The following NAALADL2 variants were observed in gnomAD, a reference collection of about 807,000 sequenced individuals.
NAALADL2 encodes the protein N-acetylated alpha-linked acidic dipeptidase like 2.
In NAALADL2, 76 loss-of-function variants were observed where a neutral mutation model predicts 87.2. That is an observed-to-expected ratio of 0.87 (90% CI 0.72 to 1.05). NAALADL2 has a LOEUF of 1.05. Among genes scored for constraint, NAALADL2 ranks in the 50% least tolerant of loss-of-function variants. The pLI, the probability that NAALADL2 is intolerant of heterozygous loss-of-function variation, is 0.00. For synonymous variants in NAALADL2, 354 were observed against 331.0 expected, an observed-to-expected ratio of 1.07 and a Z score of -0.75; for missense variants, 1,089 against 945.8, an observed-to-expected ratio of 1.15 and a Z score of -1.99.
At chr3:174,803,255 C>T (rs565951016) in intron 3 of NAALADL2, among the ~76,000 whole-genome samples, 8 of 152,240 alleles carry the variant, frequency 5.3e-5, no homozygotes, top group South Asian at 2.1e-4. Context: ...TTTCATGTGT[C>T]TGTGGGCTGC....
At chr3:175,108,989 G>A (rs542997091) in intron 2 of NAALADL2, among the ~76,000 whole-genome samples, 1 of 151,644 alleles carries the variant, frequency 6.6e-6, no homozygotes, top group Non-Finnish European at 1.5e-5. Flanking sequence ...AATTGCTGCT[G>A]GGTATAACAT....
chr3:174,649,479 A>G (rs1475610717), intron 2 of NAALADL2, among the ~76,000 whole-genome samples: 1 of 151,810 alleles, frequency 6.6e-6, no homozygotes, highest in Non-Finnish European at 1.5e-5. Flanking sequence ...TTTGCTCTTT[A>G]TTTTATTTTT....
intron 2 of NAALADL2, among the ~76,000 whole-genome samples, chr3:175,184,087 A>G (rs1736987546): frequency 6.6e-6 from 1 of 151,992 alleles, no homozygotes; most frequent in South Asian, 2.1e-4. Flanking sequence ...TGTTTCCTGT[A>G]CTATGATTGA....
intron 2 of NAALADL2, among the ~76,000 whole-genome samples, chr3:175,145,163 A>T (rs1204417213): frequency 6.6e-6 from 1 of 152,022 alleles, no homozygotes; most frequent in African/African-American, 2.4e-5. Flanking sequence ...TTCTTCATTT[A>T]GGTGGTGACA....
At chr3:174,449,717 C>T (rs1183200803) in intron 1 of NAALADL2, among the ~76,000 whole-genome samples, 1 of 152,068 alleles carries the variant, frequency 6.6e-6, no homozygotes, top group Non-Finnish European at 1.5e-5. Flanking sequence ...TTTTGCTGTG[C>T]AAGCAATGCA....
chr3:175,403,595 T>C (rs1209444759), intron 5 of NAALADL2, among the ~76,000 whole-genome samples: 1 of 152,122 alleles, frequency 6.6e-6, no homozygotes, highest in Non-Finnish European at 1.5e-5. Context: ...TCCAGAGTCA[T>C]TCATATAGTT....
intron 2 of NAALADL2, among the ~76,000 whole-genome samples, chr3:175,164,872 A>G (rs542211057): frequency 3.2e-4 from 48 of 152,316 alleles, no homozygotes; most frequent in African/African-American, 1.1e-3. Flanking sequence ...TCCCTGAACT[A>G]CAATCAAATG....
At chr3:175,439,886 TTTAA>T (rs1265041661) in intron 5 of NAALADL2, among the ~76,000 whole-genome samples, 1 of 152,110 alleles carries the variant, frequency 6.6e-6, no homozygotes, top group Non-Finnish European at 1.5e-5. Flanking sequence ...AGCATTTTAG[TTTAA>T]TTAAGTTCTA....
At chr3:174,853,657 A>G (rs1725519438) in intron 3 of NAALADL2, among the ~76,000 whole-genome samples, 1 of 152,154 alleles carries the variant, frequency 6.6e-6, no homozygotes, top group South Asian at 2.1e-4. Context: ...TAATCAAAAT[A>G]TGTAAAGAGC....
intron 5 of NAALADL2, among the ~76,000 whole-genome samples, chr3:175,328,111 C>T (rs972799266): frequency 2.0e-5 from 3 of 152,184 alleles, no homozygotes; most frequent in African/African-American, 7.2e-5. Flanking sequence ...TTACACCTAG[C>T]TAGACAGTGC....
chr3:175,352,800 A>G (rs546409007), intron 5 of NAALADL2, among the ~76,000 whole-genome samples: 1 of 152,134 alleles, frequency 6.6e-6, no homozygotes, highest in Non-Finnish European at 1.5e-5. Flanking sequence ...GTGCTGAATT[A>G]CATTTATGGG....
chr3:175,668,394 G>A (rs1733502011), intron 11 of NAALADL2, among the ~76,000 whole-genome samples: 1 of 151,912 alleles, frequency 6.6e-6, no homozygotes, highest in Non-Finnish European at 1.5e-5. Context: ...TTTAACTTTA[G>A]TACTGTGGAT....
chr3:175,190,608 A>G (rs1215646911), intron 2 of NAALADL2, among the ~76,000 whole-genome samples: 1 of 152,172 alleles, frequency 6.6e-6, no homozygotes, highest in African/African-American at 2.4e-5. Flanking sequence ...TGCGGTCATT[A>G]TGGAAAACAA....
chr3:175,514,616 G>A (rs185628541), intron 9 of NAALADL2, among the ~76,000 whole-genome samples: 111 of 152,216 alleles, frequency 7.3e-4, no homozygotes, highest in Non-Finnish European at 1.3e-3. Context: ...GCATGTAGGG[G>A]AGATATGGAG....
At chr3:174,722,395 T>G (rs1386450542) in intron 2 of NAALADL2, among the ~76,000 whole-genome samples, 3 of 152,170 alleles carry the variant, frequency 2.0e-5, no homozygotes, top group Non-Finnish European at 4.4e-5. Context: ...ATTGCTTAAA[T>G]AAAGAGTGAT....
intron 10 of NAALADL2, among the ~76,000 whole-genome samples, chr3:175,595,369 T>C (rs1722111042): frequency 6.6e-6 from 1 of 152,108 alleles, no homozygotes; most frequent in Non-Finnish European, 1.5e-5. Flanking sequence ...TCTGTTTTTG[T>C]ACTAGTACCT....
intron 3 of NAALADL2, among the ~76,000 whole-genome samples, chr3:174,814,298 A>G (rs1033957521): frequency 1.6e-4 from 24 of 151,792 alleles, no homozygotes; most frequent in Non-Finnish European, 8.8e-5. Flanking sequence ...TAGTAGAGAC[A>G]GGGTTTCACC....
intron 2 of NAALADL2, among the ~76,000 whole-genome samples, chr3:174,639,977 T>C (rs1479734692): frequency 3.3e-5 from 5 of 152,204 alleles, no homozygotes; most frequent in African/African-American, 9.6e-5. Context: ...TTAGAAGTTC[T>C]GAAGTGTTTG....
chr3:175,025,918 G>A (rs116226518), intron 1 of NAALADL2, among the ~76,000 whole-genome samples: 3,466 of 151,980 alleles, frequency 0.023, 53 homozygotes, highest in Non-Finnish European at 0.034. Context: ...CAAGTGATTC[G>A]CCCACCTCAG....
Sources: allele counts gnomAD v4.1 joint callset (sites outside exome capture counted in the v4.1 genomes callset), GRCh38; gene constraint gnomAD v4.1.1; transcripts MANE v1.5; gene names NCBI Gene and HGNC (gene_info 2026-07-23, HGNC 2026-07-21).